The following RADX variants were observed in gnomAD, a reference collection of about 807,000 sequenced individuals.
RADX encodes the protein RPA1 related single stranded DNA binding protein, X-linked.
Under a neutral mutation model 61.6 loss-of-function variants are expected in RADX, and 36 were observed. The ratio of observed to expected loss-of-function variants is 0.58; its 90% CI spans 0.45 to 0.77. RADX has a LOEUF of 0.77. Among genes scored for constraint, RADX ranks in the 30% least tolerant of loss-of-function variants. The pLI is 0.00. For synonymous variants in RADX, 272 were observed against 237.9 expected (o/e 1.14, Z -1.32); for missense variants, 497 against 651.1 (o/e 0.76, Z 2.58).
intron 12 of RADX, among the ~76,000 whole-genome samples, chrX:106,666,464 T>C (rs911825788): frequency 6.2e-5 from 7 of 112,072 alleles, no homozygotes; most frequent in Non-Finnish European, 1.3e-4. Flanking sequence ...AACCCAGTGC[T>C]ACTCAGCTAA....
At chrX:106,643,678 G>A (rs978892867) in intron 10 of RADX, among the ~76,000 whole-genome samples, 12 of 111,200 alleles carry the variant, frequency 1.1e-4, no homozygotes, top group Non-Finnish European at 1.7e-4. Context: ...TGAAATGATC[G>A]TATGGTTTTG....
intron 13 of RADX, among the ~76,000 whole-genome samples, chrX:106,676,814 T>A (rs1928522931): frequency 8.9e-6 from 1 of 112,006 alleles, no homozygotes; most frequent in African/African-American, 3.2e-5. Flanking sequence ...GCTCAGAGCA[T>A]GAAGGTCAGC....
intron 1 of RADX, among the ~76,000 whole-genome samples, chrX:106,621,925 GTTT>G (rs368340491): frequency 0.093 from 8,372 of 89,849 alleles, 1,113 homozygotes; most frequent in African/African-American, 0.34. Context: ...CAATTCTATG[GTTT>G]TTTTTTTTTT....
At chrX:106,669,946 A>T (rs1928324738) in intron 13 of RADX, among the ~76,000 whole-genome samples, 1 of 111,820 alleles carries the variant, frequency 8.9e-6, no homozygotes, top group Admixed American at 9.5e-5. Flanking sequence ...ATTCCTAATC[A>T]TGTGGTAAAG....
At chrX:106,670,997 A>C (rs1928348491) in intron 13 of RADX, among the ~76,000 whole-genome samples, 1 of 111,573 alleles carries the variant, frequency 9.0e-6, no homozygotes, top group Non-Finnish European at 1.9e-5. Flanking sequence ...TAATAATTTA[A>C]AAATTCAAAT....
chrX:106,643,349 C>A (rs1455764997), intron 10 of RADX, among the ~76,000 whole-genome samples: 1 of 110,679 alleles, frequency 9.0e-6, no homozygotes, highest in Non-Finnish European at 1.9e-5. Context: ...ATCTATTTGT[C>A]CATTTTTGCT....
intron 13 of RADX, among the ~76,000 whole-genome samples, chrX:106,675,205 A>AAAGGAATTG (rs1249030689): frequency 8.9e-6 from 1 of 112,234 alleles, no homozygotes; most frequent in East Asian, 2.8e-4. Flanking sequence ...GTTTTAACAC[A>AAAGGAATTG]TCTAAGAAAA....
At chrX:106,652,889 G>A (rs112772276) in intron 11 of RADX, among the ~76,000 whole-genome samples, 303 of 108,255 alleles carry the variant, frequency 2.8e-3, no homozygotes, top group African/African-American at 9.9e-3. Flanking sequence ...GGGAGGCTGA[G>A]GCAGGAGAAT....
chrX:106,633,006 A>G lies in RADX; in HGVS notation c.1163A>G (p.Gln388Arg). 8.3e-7 allele frequency: 1 copy of G among 1,205,523 alleles called. No homozygotes were observed. The highest frequency in any genetic ancestry group is 1.1e-6 in the Non-Finnish European group (1 of 891,152). The change falls in exon 5 of 14, where the codon CAG becomes CGG. Residue 388 changes from glutamine (Q) to arginine (R), a missense_variant. By Grantham distance (43) the Gln-to-Arg change is conservative. This residue lies in a region of RADX where 196 missense variants were observed against 315.0 expected (regional missense o/e 0.62). Transcript: ENST00000372548. ...CTTTTAGTTTTTGTAGGAAGGGTCC[A>G]GCGGTCAAAAAAGAAAGGTAAGCTT... ...IGLLVFVGRV[Q>R]RSKKKENRED... is the part of the protein sequence containing the mutation.
intron 11 of RADX, among the ~76,000 whole-genome samples, chrX:106,654,903 A>G (rs1212431682): frequency 1.8e-5 from 2 of 111,879 alleles, no homozygotes; most frequent in Non-Finnish European, 3.8e-5. Flanking sequence ...ATTTTTTAAA[A>G]CATTCAATCC....
intron 1 of RADX, among the ~76,000 whole-genome samples, chrX:106,618,934 C>A (rs1304052908): frequency 9.0e-6 from 1 of 111,566 alleles, no homozygotes; most frequent in Non-Finnish European, 1.9e-5. Flanking sequence ...AATTATTTTT[C>A]TTTTAAGAGA....
chrX:106,617,031 T>TG (rs1184084883), intron 1 of RADX, among the ~76,000 whole-genome samples: 7 of 94,416 alleles, frequency 7.4e-5, no homozygotes, highest in African/African-American at 2.8e-4. Context: ...TTTTTTTTTT[T>TG]TTTTTTTTTT....
At chrX:106,639,897 A>AT (rs1290885809) in intron 9 of RADX, 2 of 232,279 alleles carry the variant, frequency 8.6e-6, no homozygotes, top group African/African-American at 6.0e-5. Flanking sequence ...CCAACCTAAT[A>AT]TTTTTACTTT....
At chrX:106,640,359 G>A in intron 9 of RADX, 193 bp from the exon 10 acceptor site, 1 of 328,979 alleles carries the variant, frequency 3.0e-6, no homozygotes. Flanking sequence ...AAGGACTTTT[G>A]TTTGTCTTCC....
In RADX at chrX:106,669,307, T is replaced by C; in HGVS notation, c.2414T>C (p.Leu805Ser). 1 of 1,203,296 alleles carries C rather than the reference T, an allele frequency of 8.3e-7. No individual in the cohort carries two copies. Among genetic ancestry groups the C allele is most frequent in the Non-Finnish European group, 1.1e-6 (1 of 890,983 alleles). ...CAGGACACAACTGGAAATGACCGAT[T>C]GCCAGGTCCAAGAGCGGTTGCAGGT... ...YPQDTTGNDRLPGPRAVAGDI... is the reference protein window; with the variant it reads ...YPQDTTGNDRSPGPRAVAGDI... The change falls in exon 13 of 14, where the codon TTG becomes TCG. Residue 805 changes from leucine (L) to serine (S), a missense_variant. Physicochemically the swap from Leu to Ser is moderately radical, Grantham distance 145. Coordinates refer to ENST00000372548, the MANE Select transcript of RADX (RefSeq NM_018015.6).
chrX:106,648,478 A>G (rs1927718420), intron 11 of RADX, 92 bp downstream of exon 11: 1 of 576,203 alleles, frequency 1.7e-6, no homozygotes, highest in South Asian at 3.1e-5. Flanking sequence ...CAAGTAATAC[A>G]TGCTTAGAAT....
Position 106,679,388 on chromosome X carries a change from A to T in RADX, c.*1130A>T, listed in dbSNP as rs746974880. 3.5e-4 allele frequency: 39 copies of T among 112,062 alleles called. No homozygotes were observed. The highest frequency in any genetic ancestry group is 1.2e-3 in the African/African-American group (38 of 30,878). The allele number at this position is 112,062 out of a possible 1,213,427, so 9.2% of individuals were successfully genotyped here. A position where few individuals can be genotyped will look rare whatever the true frequency, so the allele number is the denominator to read the frequency against. ...TGTGTAAATGTTAACTAAACAGTGG[A>T]TTCCTCTCGTGTTACAGTTTTGAGT... is the stretch of plus-strand genomic sequence containing the variant. On this transcript the variant is annotated 3_prime_UTR_variant, in exon 14 of 14. Coordinates refer to ENST00000372548, the MANE Select transcript of RADX (RefSeq NM_018015.6).
chrX:106,638,423 C>T (rs1927418300), intron 8 of RADX: 1 of 110,626 alleles, frequency 9.0e-6, no homozygotes, highest in Non-Finnish European at 1.9e-5. Context: ...CCACTACGCC[C>T]GGCTAATTTT....
intron 1 of RADX, among the ~76,000 whole-genome samples, chrX:106,621,285 G>A (rs1476163061): frequency 8.9e-6 from 1 of 112,237 alleles, no homozygotes; most frequent in African/African-American, 3.2e-5. Context: ...GTGTTTTATA[G>A]TATAGACATA....
Sources: gnomAD v4.1 joint callset for allele counts (sites outside exome capture counted in the v4.1 genomes callset) on GRCh38, gnomAD v4.1.1 for gene constraint, gnomAD v4.1.1 regional missense constraint, MANE v1.5 for transcripts, NCBI Gene and HGNC (gene_info 2026-07-23, HGNC 2026-07-21) for gene names.